The following GLT1D1 variants were observed in gnomAD, a reference collection of about 807,000 sequenced individuals.
GLT1D1 encodes glycosyltransferase 1 domain-containing protein 1.
GLT1D1 carries 21 observed loss-of-function variants against 28.7 expected under a neutral mutation model. That is an observed-to-expected ratio of 0.73 (90% CI 0.52 to 1.05). The LOEUF is 1.05. Among genes scored for constraint, GLT1D1 ranks in the 50% least tolerant of loss-of-function variants. GLT1D1 has a pLI of 0.00. For missense variants in GLT1D1, 343 were observed against 330.6 expected (o/e 1.04, Z -0.29); for synonymous variants, 147 against 124.8 (o/e 1.18, Z -1.19).
chr12:128,968,272 G>A (rs1878676904), intron 7 of GLT1D1, among the ~76,000 whole-genome samples: 1 of 151,798 alleles, frequency 6.6e-6, no homozygotes, highest in Admixed American at 6.5e-5. Flanking sequence ...TGGGATTACA[G>A]GCGTGAGCCA....
intron 7 of GLT1D1, among the ~76,000 whole-genome samples, chr12:128,982,330 G>A (rs1880394230): frequency 3.3e-5 from 5 of 152,180 alleles, no homozygotes; most frequent in Admixed American, 3.3e-4. Context: ...CTTGCCCAAG[G>A]CCACACAGCA....
At chr12:128,952,579 G>C (rs959328320) in intron 6 of GLT1D1, among the ~76,000 whole-genome samples, 2 of 150,048 alleles carry the variant, frequency 1.3e-5, no homozygotes, top group Admixed American at 6.7e-5. Context: ...TGATTCTCCT[G>C]CCTCAGTCTC....
At chr12:128,895,523 C>T (rs1478518111) in intron 3 of GLT1D1, among the ~76,000 whole-genome samples, 1 of 149,656 alleles carries the variant, frequency 6.7e-6, no homozygotes, top group African/African-American at 2.5e-5. Context: ...ATGGCACAAT[C>T]TTGACTCATC....
intron 3 of GLT1D1, among the ~76,000 whole-genome samples, chr12:128,896,437 A>AT (rs149770296): frequency 0.03 from 4,459 of 149,226 alleles, 112 homozygotes; most frequent in Middle Eastern, 0.062. Context: ...CAAATTACCA[A>AT]TTTTTTTTTT....
intron 4 of GLT1D1, among the ~76,000 whole-genome samples, chr12:128,922,922 C>CAAAAAAAA (rs149775593): frequency 1.0e-5 from 1 of 97,600 alleles, no homozygotes; most frequent in African/African-American, 4.0e-5. Context: ...GACTCCATCT[C>CAAAAAAAA]AAAAAAAAAA....
At chr12:128,961,638 G>T (rs934818533) in intron 7 of GLT1D1, among the ~76,000 whole-genome samples, 3 of 152,228 alleles carry the variant, frequency 2.0e-5, no homozygotes, top group African/African-American at 7.2e-5. Context: ...TGCAGGAGAA[G>T]ATGGATGTCC....
At chr12:128,882,775 T>C (rs1455107726) in intron 2 of GLT1D1, among the ~76,000 whole-genome samples, 1 of 152,214 alleles carries the variant, frequency 6.6e-6, no homozygotes, top group Non-Finnish European at 1.5e-5. Flanking sequence ...TTAGATGGAA[T>C]GGAACCTGTT....
intron 6 of GLT1D1, among the ~76,000 whole-genome samples, chr12:128,955,108 A>G (rs1160533050): frequency 6.6e-6 from 1 of 152,200 alleles, no homozygotes; most frequent in African/African-American, 2.4e-5. Flanking sequence ...TGGTACAACT[A>G]GTATCTAGTG....
chr12:128,971,069 C>A (rs1417773743), intron 7 of GLT1D1, among the ~76,000 whole-genome samples: 1 of 152,172 alleles, frequency 6.6e-6, no homozygotes, highest in Non-Finnish European at 1.5e-5. Flanking sequence ...ATTTCTTTTT[C>A]TTTTCAAAGT....
intron 6 of GLT1D1, among the ~76,000 whole-genome samples, chr12:128,956,939 T>A (rs749709124): frequency 5.3e-5 from 8 of 152,232 alleles, no homozygotes; most frequent in African/African-American, 1.9e-4. Context: ...AATGCCTCCT[T>A]TCCGGGCAGG....
intron 7 of GLT1D1, among the ~76,000 whole-genome samples, chr12:128,976,029 T>A (rs534287109): frequency 1.3e-5 from 2 of 152,216 alleles, no homozygotes; most frequent in Admixed American, 1.3e-4. Flanking sequence ...GCGGCGACAG[T>A]TTGACAGTTT....
At chr12:128,894,374 A>G (rs139030395) in intron 3 of GLT1D1, among the ~76,000 whole-genome samples, 1 of 152,154 alleles carries the variant, frequency 6.6e-6, no homozygotes, top group African/African-American at 2.4e-5. Flanking sequence ...GTCCTGCTGC[A>G]GGGAAGGAAT....
At chr12:128,915,102 G>C in intron 4 of GLT1D1, 113 bp downstream of exon 6, 1 of 797,672 alleles carries the variant, frequency 1.3e-6, no homozygotes, top group Non-Finnish European at 2.0e-6. Context: ...AGAGAACAAG[G>C]TTCATTTCCC....
At chr12:128,971,474 CCCTCCCTCCCTCTCTCTA>C (rs1209525885) in intron 7 of GLT1D1, among the ~76,000 whole-genome samples, 11 of 57,000 alleles carry the variant, frequency 1.9e-4, no homozygotes, top group Admixed American at 5.8e-4. Context: ...CCCTCTGCCT[CCCTCCCTCCCTCTCTCTA>C]CCTCCCTCCC....
At chr12:128,881,560 A>G (rs1382656321) in intron 2 of GLT1D1, among the ~76,000 whole-genome samples, 1 of 70,466 alleles carries the variant, frequency 1.4e-5, no homozygotes, top group Non-Finnish European at 2.6e-5. Context: ...AAAAAAAAAA[A>G]AATATATATA....
At chr12:128,967,965 T>C (rs1878627837) in intron 7 of GLT1D1, among the ~76,000 whole-genome samples, 1 of 152,144 alleles carries the variant, frequency 6.6e-6, no homozygotes, top group Admixed American at 6.5e-5. Context: ...TGAACTACAT[T>C]GGAGGTTAAT....
chr12:128,945,200 C>A (rs761887300), intron 4 of GLT1D1, 126 bp from the exon 9 acceptor site: 5 of 935,120 alleles, frequency 5.3e-6, no homozygotes, highest in Admixed American at 3.8e-5. Flanking sequence ...CGCGAGGACA[C>A]CCCCGTGGCC....
chr12:128,897,681 T>C (rs1444432031), intron 3 of GLT1D1, among the ~76,000 whole-genome samples: 1 of 152,214 alleles, frequency 6.6e-6, no homozygotes, highest in Non-Finnish European at 1.5e-5. Flanking sequence ...TTTTTTTTCT[T>C]TTTTTGAGAC....
intron 4 of GLT1D1, among the ~76,000 whole-genome samples, chr12:128,920,372 G>A (rs111346512): frequency 1.1e-4 from 17 of 152,280 alleles, no homozygotes; most frequent in African/African-American, 3.8e-4. Context: ...TGACCAACAT[G>A]GTGAAGTCCT....
Sources: allele counts gnomAD v4.1 joint callset (sites outside exome capture counted in the v4.1 genomes callset), GRCh38; gene constraint gnomAD v4.1.1; transcripts MANE v1.5; gene names NCBI Gene and HGNC (gene_info 2026-07-23, HGNC 2026-07-21).